Variants in ACAP2 observed in about 807,000 individuals in gnomAD.
ACAP2 encodes the protein arf-GAP with coiled-coil, ANK repeat and PH domain-containing protein 2.
ACAP2 carries 39 observed loss-of-function variants against 115.8 expected under a neutral mutation model. The observed-to-expected ratio is 0.34, with a 90% CI of 0.26 to 0.44. The LOEUF is 0.44. Ranked by LOEUF, ACAP2 falls within the 20% of genes least tolerant of loss-of-function variation. ACAP2 has a pLI of 1.00. For synonymous variants in ACAP2, 289 were observed against 315.8 expected, an observed-to-expected ratio of 0.92 and a Z score of 0.90; for missense variants, 662 against 927.6, an observed-to-expected ratio of 0.71 and a Z score of 3.72.
chr3:195,393,820 G>T (rs9846555), intron 1 of ACAP2, among the ~76,000 whole-genome samples: 36,016 of 147,390 alleles, frequency 0.24, 5,041 homozygotes, highest in East Asian at 0.72. Context: ...TGAGGCAGAA[G>T]ATTTTAAATG....
At chr3:195,428,075 A>G (rs1046800524) in intron 1 of ACAP2, among the ~76,000 whole-genome samples, 2 of 152,086 alleles carry the variant, frequency 1.3e-5, no homozygotes, top group South Asian at 4.1e-4. Flanking sequence ...AATAATCCAG[A>G]AAAGCAGGGT....
intron 15 of ACAP2, among the ~76,000 whole-genome samples, chr3:195,300,015 C>T (rs1285588242): frequency 6.7e-6 from 1 of 149,630 alleles, no homozygotes; most frequent in Non-Finnish European, 1.5e-5. Flanking sequence ...TTAGTATCTA[C>T]TTTCCGTCTT....
intron 22 of ACAP2, chr3:195,279,916 C>T (rs1726380928): frequency 6.6e-6 from 1 of 152,226 alleles, no homozygotes; most frequent in Admixed American, 6.5e-5. Context: ...ATAATACTAT[C>T]TTTTAATTAA....
chr3:195,419,917 A>T (rs1394057899), intron 1 of ACAP2, among the ~76,000 whole-genome samples: 1 of 152,228 alleles, frequency 6.6e-6, no homozygotes, highest in Non-Finnish European at 1.5e-5. Flanking sequence ...TACTTCAACA[A>T]TACATTTTAA....
At chr3:195,361,762 A>T (rs1480506137) in intron 4 of ACAP2, among the ~76,000 whole-genome samples, 1 of 152,114 alleles carries the variant, frequency 6.6e-6, no homozygotes, top group Non-Finnish European at 1.5e-5. Context: ...CAAAAAGATT[A>T]AAAAACTGAC....
At chr3:195,302,261 C>A in intron 13 of ACAP2, 87 bp from the exon 14 acceptor site, 1 of 1,234,634 alleles carries the variant, frequency 8.1e-7, no homozygotes, top group Non-Finnish European at 1.1e-6. Flanking sequence ...CTAAAGCTTC[C>A]AATCAATAAA....
intron 4 of ACAP2, chr3:195,356,194 G>A: frequency 2.2e-6 from 1 of 456,704 alleles, no homozygotes. Flanking sequence ...TGCACACGGG[G>A]AAAGAGCACA....
In ACAP2 at chr3:195,279,073, T is replaced by C. The variant is rs1456632135; in HGVS notation, c.*255A>G. 6 of 298,166 alleles carry C rather than the reference T, an allele frequency of 2.0e-5. No homozygotes were observed. In the South Asian group the frequency reaches 3.2e-4, roughly 16 times the overall value. 18.5% of individuals were successfully genotyped at this position (298,166 alleles called of 1,614,324 possible). A position where few individuals can be genotyped will look rare whatever the true frequency, so the allele number is the denominator to read the frequency against. The stretch of plus-strand genomic sequence containing the variant: ...TCTTGTAACCTAGAGATGGCCTAAA[T>C]CTAGACTGAACTTCTGTCTACAGAA... On this transcript the variant is annotated 3_prime_UTR_variant, in exon 23 of 23. Coordinates refer to ENST00000326793, the MANE Select transcript of ACAP2 (RefSeq NM_012287.6).
At chr3:195,409,104 G>GAA (rs61212970) in intron 1 of ACAP2, among the ~76,000 whole-genome samples, 14 of 125,226 alleles carry the variant, frequency 1.1e-4, no homozygotes, top group East Asian at 6.1e-4. Context: ...GCAAGAAAAA[G>GAA]AAAAAAAAAA....
At chr3:195,354,669 T>C (rs1332431338) in intron 4 of ACAP2, among the ~76,000 whole-genome samples, 1 of 152,222 alleles carries the variant, frequency 6.6e-6, no homozygotes, top group Non-Finnish European at 1.5e-5. Context: ...GCAGAAACTC[T>C]TTAATTAGAT....
intron 1 of ACAP2, among the ~76,000 whole-genome samples, chr3:195,404,958 C>T (rs1052341862): frequency 2.6e-5 from 4 of 151,728 alleles, no homozygotes; most frequent in African/African-American, 9.7e-5. Context: ...CCACAACACC[C>T]GGCTACTTTT....
rs77856053 is a variant in ACAP2, at chr3:195,375,507, CAAAA to C, written c.285+5498_285+5501del. On this transcript the variant is annotated intron_variant, in intron 4 of 22. Transcript: ENST00000326793. ...GCTCTAAATTGAAAAATCAACTGTACAAAAAAAAAAAAAAAAAATACTGGCCAGG... is the reference window on the plus strand; with the variant it reads ...GCTCTAAATTGAAAAATCAACTGTACAAAAAAAAAAAAAATACTGGCCAGG... Among the ~76,000 whole-genome samples, 63 of 103,714 alleles carry C rather than the reference CAAAA, an allele frequency of 6.1e-4. 1 individual carries two copies. Among genetic ancestry groups the C allele is most frequent in the South Asian group, 5.6e-3 (20 of 3,560 alleles). 68.0% of individuals were successfully genotyped at this position (103,714 alleles called of 152,430 possible). A position where few individuals can be genotyped will look rare whatever the true frequency, so the allele number is the denominator to read the frequency against.
rs865926849 is a variant in ACAP2 at position 195,431,507 on chromosome 3, G to A, written c.53+11288C>T. 5.3e-5 allele frequency among the ~76,000 whole-genome samples: 8 copies of A among 151,838 alleles called. No homozygotes were observed. In the South Asian group the frequency reaches 1.7e-3, roughly 32 times the overall value. ...GGCTGGAGTGCAGTGGCGTGATCTC[G>A]GCTCACTGCAAGCTCCACCTCCTGG... On this transcript the variant is annotated intron_variant, in intron 1 of 22. Transcript: ENST00000326793.
intron 17 of ACAP2, 119 bp downstream of exon 17, chr3:195,295,589 G>A: frequency 9.5e-7 from 1 of 1,049,944 alleles, no homozygotes; most frequent in African/African-American, 1.6e-5. Flanking sequence ...CTTAGAATAT[G>A]TAGAAGGGAA....
At chr3:195,352,012 A>G (rs537895221) in intron 4 of ACAP2, among the ~76,000 whole-genome samples, 34 of 152,228 alleles carry the variant, frequency 2.2e-4, no homozygotes, top group Non-Finnish European at 4.0e-4. Context: ...TAATTTCTTT[A>G]CAGATATTAA....
chr3:195,329,614 T>C (rs1223870114), intron 8 of ACAP2, among the ~76,000 whole-genome samples: 1 of 152,174 alleles, frequency 6.6e-6, no homozygotes, highest in African/African-American at 2.4e-5. Flanking sequence ...TATCTGCCCA[T>C]TTCATATTCA....
At chr3:195,337,064 T>C in intron 6 of ACAP2, 88 bp from the exon 7 acceptor site, 2 of 1,228,064 alleles carry the variant, frequency 1.6e-6, no homozygotes, top group Non-Finnish European at 2.3e-6. Context: ...TTTAATGGTT[T>C]AATACTTTTC....
chr3:195,435,195 G>A (rs941381168), intron 1 of ACAP2, among the ~76,000 whole-genome samples: 7 of 150,188 alleles, frequency 4.7e-5, no homozygotes, highest in African/African-American at 1.7e-4. Context: ...TTTTTTTTTA[G>A]ACAGAGTCTC....
chr3:195,399,389 G>A (rs192598597), intron 1 of ACAP2, among the ~76,000 whole-genome samples: 3 of 152,132 alleles, frequency 2.0e-5, no homozygotes, highest in Admixed American at 1.3e-4. Context: ...CAGTCTTGTT[G>A]ACCAGTCTGG....
Sources: allele counts gnomAD v4.1 joint callset (sites outside exome capture counted in the v4.1 genomes callset), GRCh38; gene constraint gnomAD v4.1.1; transcripts MANE v1.5; gene names NCBI Gene and HGNC (gene_info 2026-07-23, HGNC 2026-07-21).